The following CCDC91 variants were observed in gnomAD, a reference collection of about 807,000 sequenced individuals.
CCDC91 encodes the protein coiled-coil domain-containing protein 91.
CCDC91 carries 48 observed loss-of-function variants against 63.2 expected under a neutral mutation model. That is an observed-to-expected ratio of 0.76 (90% CI 0.60 to 0.97). The LOEUF (loss-of-function observed/expected upper bound fraction) is 0.97. Ranked by LOEUF, CCDC91 falls within the 50% of genes least tolerant of loss-of-function variation. The pLI is 0.00. For synonymous variants in CCDC91, 167 were observed against 165.8 expected, an observed-to-expected ratio of 1.01 and a Z score of -0.06; for missense variants, 500 against 494.6, an observed-to-expected ratio of 1.01 and a Z score of -0.10.
chr12:28,382,880 T>G lies in CCDC91; in HGVS notation c.655-8424T>G, dbSNP rs1945378436. Reference sequence around the variant, plus strand: ...GTCAGAATTTTTTTTTCCCTTTCCTTTTTTTAAACTGAAACTGTAGCTCTT... The same window carrying G: ...GTCAGAATTTTTTTTTCCCTTTCCTGTTTTTAAACTGAAACTGTAGCTCTT... On this transcript the variant is annotated intron_variant, in intron 7 of 12. Transcript: ENST00000536442. Among the ~76,000 whole-genome samples, 4 of 152,214 alleles carry G rather than the reference T, an allele frequency of 2.6e-5. No individual in the cohort carries two copies. The South Asian group carries it at 8.3e-4, about 32-fold the overall frequency.
chr12:28,367,775 T>G (rs1944367396), intron 7 of CCDC91, among the ~76,000 whole-genome samples: 1 of 152,146 alleles, frequency 6.6e-6, no homozygotes, highest in African/African-American at 2.4e-5. Flanking sequence ...AATGTTTTTG[T>G]GAGGATTTTT....
chr12:28,209,637 A>ACCAGG (rs1180607574), intron 1 of CCDC91, among the ~76,000 whole-genome samples: 1 of 151,696 alleles, frequency 6.6e-6, no homozygotes, highest in Non-Finnish European at 1.5e-5. Flanking sequence ...CGTCATGTTG[A>ACCAGG]CCAGGCTGGT....
At chr12:28,370,946 C>G (rs2138817622) in intron 7 of CCDC91, among the ~76,000 whole-genome samples, 1 of 152,212 alleles carries the variant, frequency 6.6e-6, no homozygotes, top group South Asian at 2.1e-4. Context: ...CACTTCCTGC[C>G]AGGCCCTTCC....
In CCDC91 at chr12:28,240,405, A is replaced by G. The variant is rs571784609; in HGVS notation, c.-14-16797A>G. The stretch of plus-strand genomic sequence containing the variant: ...TTTTGTCACCCACTGTAAAAAACTG[A>G]GATAAATTATATTTATTCTCTGAAA... On this transcript the variant is annotated intron_variant, in intron 1 of 12. Coordinates refer to ENST00000536442, the MANE Select transcript of CCDC91 (RefSeq NM_018318.5). 1.9e-3 allele frequency among the ~76,000 whole-genome samples: 285 copies of G among 152,214 alleles called. 1 individual carries two copies. Among genetic ancestry groups the G allele is most frequent in the Admixed American group, 4.5e-3 (69 of 15,290 alleles).
chr12:28,327,685 A>G (rs1261909221), intron 6 of CCDC91, among the ~76,000 whole-genome samples: 3 of 152,104 alleles, frequency 2.0e-5, no homozygotes, highest in Non-Finnish European at 4.4e-5. Context: ...CACATCCTTG[A>G]TTCCCTTGGC....
At chr12:28,534,898 A>G (rs1463929967) in intron 12 of CCDC91, among the ~76,000 whole-genome samples, 1 of 152,200 alleles carries the variant, frequency 6.6e-6, no homozygotes, top group Admixed American at 6.5e-5. Flanking sequence ...CACTTAATCC[A>G]TTTAAATCTA....
intron 7 of CCDC91, among the ~76,000 whole-genome samples, chr12:28,377,960 C>G (rs1467506628): frequency 6.6e-6 from 1 of 151,962 alleles, no homozygotes; most frequent in African/African-American, 2.4e-5. Context: ...AGATTGTTTT[C>G]TAAAGCTTTA....
In CCDC91 at chr12:28,418,619, T is replaced by C. The variant is rs61602357; in HGVS notation, c.762+27208T>C. On this transcript the variant is annotated intron_variant, in intron 8 of 12. Coordinates refer to ENST00000536442, the MANE Select transcript of CCDC91 (RefSeq NM_018318.5). ...TGAATAGTAGCTATTGAAATTATTA[T>C]TATGTTAATGGCAGATTAATACTGT... Among the ~76,000 whole-genome samples the C allele has an allele frequency of 9.6e-3, 1,465 of 152,222 alleles. 24 individuals carry two copies. The highest frequency in any genetic ancestry group is 0.033 in the African/African-American group (1,365 of 41,570).
In CCDC91 at chr12:28,450,353, A is replaced by G. The variant is rs750426184; in HGVS notation, c.859A>G (p.Ile287Val). The change falls in exon 10 of 13, where the codon ATA becomes GTA. Residue 287 changes from isoleucine to valine, a missense_variant. Transcript: ENST00000536442. ...CAACTGTTTTATCATTTGACAGGAA[A>G]TATTGGAAAAGTGTTTGGAGGAAGA... The part of the protein sequence containing the change: ...LIQQSQEQKE[I>V]LEKCLEEERQ... 6 of 1,611,616 alleles carry G rather than the reference A, an allele frequency of 3.7e-6. No homozygotes were observed. The highest frequency in any genetic ancestry group is 4.2e-6 in the Non-Finnish European group (5 of 1,178,056).
At chr12:28,475,310 A>G (rs1951025217) in intron 11 of CCDC91, among the ~76,000 whole-genome samples, 1 of 152,110 alleles carries the variant, frequency 6.6e-6, no homozygotes, top group African/African-American at 2.4e-5. Context: ...AATGTAGGAT[A>G]CATGAACTCA....
At chr12:28,503,189 C>CAA (rs780078244) in intron 12 of CCDC91, among the ~76,000 whole-genome samples, 1 of 152,042 alleles carries the variant, frequency 6.6e-6, no homozygotes, top group Non-Finnish European at 1.5e-5. Context: ...ACTAATCTGA[C>CAA]AAAGGGCTAA....
At chr12:28,293,556 T>A (rs1355531861) in intron 3 of CCDC91, among the ~76,000 whole-genome samples, 1 of 152,216 alleles carries the variant, frequency 6.6e-6, no homozygotes, top group Non-Finnish European at 1.5e-5. Context: ...TAGCTAGTCA[T>A]GTTTTGCTTT....
chr12:28,244,493 GC>G (rs1565663301), intron 1 of CCDC91, among the ~76,000 whole-genome samples: 1 of 67,012 alleles, frequency 1.5e-5, no homozygotes, highest in African/African-American at 7.5e-5. Context: ...GTAGAAGAAG[GC>G]TTTTTTTTTT....
intron 12 of CCDC91, among the ~76,000 whole-genome samples, chr12:28,508,891 A>G (rs1395053764): frequency 2.0e-5 from 3 of 151,912 alleles, no homozygotes; most frequent in African/African-American, 4.8e-5. Context: ...GCTCTATTTA[A>G]TGGTTATTGA....
In CCDC91 at chr12:28,270,656, T is replaced by A. The variant is rs143014487; in HGVS notation, c.109+11214T>A. Among the ~76,000 whole-genome samples, 124 of 152,280 alleles carry A rather than the reference T, an allele frequency of 8.1e-4. 1 individual carries two copies. The highest frequency in any genetic ancestry group is 2.9e-3 in the African/African-American group (119 of 41,568). On this transcript the variant is annotated intron_variant, in intron 3 of 12. Coordinates refer to ENST00000536442, the MANE Select transcript of CCDC91 (RefSeq NM_018318.5). Reference sequence around the variant, plus strand: ...TTACTCAACTCATCAATCCATTAGGTTCCTAAAGGAGCAACCTTAAAGTAA... The same window carrying A: ...TTACTCAACTCATCAATCCATTAGGATCCTAAAGGAGCAACCTTAAAGTAA...
At chr12:28,356,208 T>C (rs533812488) in intron 6 of CCDC91, among the ~76,000 whole-genome samples, 1 of 152,296 alleles carries the variant, frequency 6.6e-6, no homozygotes, top group South Asian at 2.1e-4. Context: ...TTGCATAATG[T>C]TGTATCATGC....
chr12:28,334,774 T>C (rs1565814151), intron 6 of CCDC91, among the ~76,000 whole-genome samples: 1 of 152,124 alleles, frequency 6.6e-6, no homozygotes, highest in Non-Finnish European at 1.5e-5. Flanking sequence ...TAACTCAGTG[T>C]AATGGCAAAA....
rs552243211 is a variant in CCDC91 at position 28,484,599 on chromosome 12, A to G, written c.1215+434A>G. 1.1e-4 allele frequency among the ~76,000 whole-genome samples: 17 copies of G among 152,276 alleles called. No individual in the cohort carries two copies. The East Asian group carries it at 2.9e-3, about 26-fold the overall frequency. On this transcript the variant is annotated intron_variant, in intron 12 of 12. Coordinates refer to ENST00000536442, the MANE Select transcript of CCDC91 (RefSeq NM_018318.5). ...GTTAGCAAATTCAGGCTCTTCTGCC[A>G]TAGTGCCATTTCAAAACCATAACTC...
intron 6 of CCDC91, among the ~76,000 whole-genome samples, chr12:28,348,505 G>A (rs1942967898): frequency 6.6e-6 from 1 of 152,136 alleles, no homozygotes; most frequent in Admixed American, 6.5e-5. Context: ...GTTCTGATGA[G>A]CATTGACTTG....
Sources: allele counts gnomAD v4.1 joint callset (sites outside exome capture counted in the v4.1 genomes callset), GRCh38; gene constraint gnomAD v4.1.1; transcripts MANE v1.5; gene names NCBI Gene and HGNC (gene_info 2026-07-23, HGNC 2026-07-21).